Variants in IL1RAPL2 observed in about 807,000 individuals in gnomAD.
The protein encoded by IL1RAPL2 is interleukin 1 receptor accessory protein like 2.
A neutral mutation model predicts 44.1 loss-of-function variants in IL1RAPL2; 3 were observed. The observed-to-expected ratio is 0.07, with a 90% CI of 0.03 to 0.18. The LOEUF (loss-of-function observed/expected upper bound fraction) is 0.18. Among genes scored for constraint, IL1RAPL2 ranks in the 10% least tolerant of loss-of-function variants. The pLI is 1.00. For synonymous variants in IL1RAPL2, 181 were observed against 178.8 expected (o/e 1.01, Z -0.10); for missense variants, 391 against 496.4 (o/e 0.79, Z 2.02).
chrX:105,709,173 G>T (rs2038188235), intron 6 of IL1RAPL2, among the ~76,000 whole-genome samples: 1 of 111,991 alleles, frequency 8.9e-6, no homozygotes, highest in African/African-American at 3.2e-5. Context: ...AAGATCAGCA[G>T]AGCCAACAGA....
At chrX:105,327,560 T>C (rs958534364) in intron 5 of IL1RAPL2, among the ~76,000 whole-genome samples, 10 of 111,950 alleles carry the variant, frequency 8.9e-5, no homozygotes, top group African/African-American at 2.9e-4. Context: ...TTATTTAAAT[T>C]CTAGCAGTAA....
At chrX:105,406,438 A>G in intron 5 of IL1RAPL2, 1 of 1,167,212 alleles carries the variant, frequency 8.6e-7, no homozygotes, top group East Asian at 3.0e-5. Context: ...TGGAAGTGGC[A>G]ATAAAGAATT....
At chrX:105,479,699 A>AT in intron 5 of IL1RAPL2, among the ~76,000 whole-genome samples, 1 of 109,977 alleles carries the variant, frequency 9.1e-6, no homozygotes, top group Non-Finnish European at 1.9e-5. Context: ...AGATTCTGCC[A>AT]TTGCACTCCA....
At chrX:105,640,791 TATAGATAGAG>T (rs1279830320) in intron 6 of IL1RAPL2, among the ~76,000 whole-genome samples, 2 of 79,074 alleles carry the variant, frequency 2.5e-5, no homozygotes, top group Admixed American at 1.4e-4. Context: ...TAGATATAGA[TATAGATAGAG>T]AGAGAGACCG....
At chrX:104,938,378 A>C (rs911288401) in intron 2 of IL1RAPL2, among the ~76,000 whole-genome samples, 1 of 111,816 alleles carries the variant, frequency 8.9e-6, no homozygotes, top group African/African-American at 3.2e-5. Flanking sequence ...AATCAGGACA[A>C]AATATTGAAA....
At chrX:105,399,950 G>A (rs1010890335) in intron 5 of IL1RAPL2, among the ~76,000 whole-genome samples, 2 of 110,760 alleles carry the variant, frequency 1.8e-5, no homozygotes, top group Admixed American at 1.9e-4. Context: ...CTTAATCTGG[G>A]ATCTGAAAGA....
At chrX:105,553,794 C>A (rs888408638) in intron 6 of IL1RAPL2, among the ~76,000 whole-genome samples, 13 of 112,164 alleles carry the variant, frequency 1.2e-4, no homozygotes, top group African/African-American at 3.6e-4. Flanking sequence ...TATTCCATAA[C>A]CCAAGGTACC....
At chrX:104,891,350 T>A (rs1016569565) in intron 2 of IL1RAPL2, among the ~76,000 whole-genome samples, 1 of 112,057 alleles carries the variant, frequency 8.9e-6, no homozygotes, top group Admixed American at 9.5e-5. Context: ...TCATTGGTAG[T>A]TTGATGGGGA....
rs186006053 is a variant in IL1RAPL2 at position 105,407,507 on chromosome X, A to G, written c.698-76806A>G. On this transcript the variant is annotated intron_variant, in intron 5 of 10. Coordinates refer to ENST00000372582, the MANE Select transcript of IL1RAPL2 (RefSeq NM_017416.2). ...TTGTTAAAACTTTATGAAAACTTGG[A>G]AAAGGTTGTTCAGGTTTATAAATAG... 4.9e-3 allele frequency among the ~76,000 whole-genome samples: 548 copies of G among 111,788 alleles called. 5 individuals carry two copies. Among genetic ancestry groups the G allele is most frequent in the African/African-American group, 0.017 (519 of 30,751 alleles).
intron 5 of IL1RAPL2, among the ~76,000 whole-genome samples, chrX:105,355,830 T>C (rs1165860845): frequency 9.0e-6 from 1 of 111,601 alleles, no homozygotes; most frequent in African/African-American, 3.3e-5. Context: ...ATTTGATAAA[T>C]AGATGAATAA....
chrX:105,647,327 T>C (rs1393138245), intron 6 of IL1RAPL2, among the ~76,000 whole-genome samples: 1 of 111,633 alleles, frequency 9.0e-6, no homozygotes, highest in African/African-American at 3.3e-5. Context: ...CAAGATTTAA[T>C]AGAGTGGAAA....
At chrX:104,864,688 G>A (rs746066739) in intron 2 of IL1RAPL2, among the ~76,000 whole-genome samples, 7 of 111,826 alleles carry the variant, frequency 6.3e-5, no homozygotes, top group African/African-American at 1.3e-4. Context: ...AGTTGCCAGC[G>A]TGGCTAGAAT....
Position 105,157,594 on chromosome X carries a change from A to G in IL1RAPL2, c.83-37881A>G, listed in dbSNP as rs2033280304. ...CACAATGGTCCAATTAGTTGTGGCC[A>G]GTGGAGGTGGGAGGTTGATTCATTT... On this transcript the variant is annotated intron_variant, in intron 2 of 10. Transcript: ENST00000372582. 2.7e-5 allele frequency among the ~76,000 whole-genome samples: 3 copies of G among 112,263 alleles called. No homozygotes were observed. The Admixed American group carries it at 2.8e-4, about 11-fold the overall frequency.
At chrX:105,749,252 C>T in intron 9 of IL1RAPL2, 149 bp downstream of exon 9, 1 of 437,331 alleles carries the variant, frequency 2.3e-6, no homozygotes, top group South Asian at 8.5e-5. Context: ...GTTTAGAAGA[C>T]TTACCAAGAA....
At chrX:104,810,623 C>T (rs370928310) in intron 2 of IL1RAPL2, among the ~76,000 whole-genome samples, 9 of 110,792 alleles carry the variant, frequency 8.1e-5, no homozygotes, top group African/African-American at 2.6e-4. Context: ...AGATGATATG[C>T]GTAACAAAAA....
intron 5 of IL1RAPL2, among the ~76,000 whole-genome samples, chrX:105,380,351 G>A (rs1267890358): frequency 9.0e-6 from 1 of 111,525 alleles, no homozygotes; most frequent in Non-Finnish European, 1.9e-5. Flanking sequence ...AGGGAAAAGG[G>A]GGTTTAAGGG....
chrX:105,593,882 G>A (rs2147819544), intron 6 of IL1RAPL2, among the ~76,000 whole-genome samples: 1 of 111,836 alleles, frequency 8.9e-6, no homozygotes, highest in South Asian at 3.8e-4. Flanking sequence ...GGCTGTGCTT[G>A]TGTGCACATA....
At chrX:104,797,196 C>CG (rs1351346695) in intron 2 of IL1RAPL2, among the ~76,000 whole-genome samples, 2 of 39,309 alleles carry the variant, frequency 5.1e-5, no homozygotes, top group Non-Finnish European at 9.9e-5. Context: ...CCCCCCCCCC[C>CG]CCCCCGCAAA....
At chrX:105,631,678 G>GT (rs998250230) in intron 6 of IL1RAPL2, among the ~76,000 whole-genome samples, 21 of 112,104 alleles carry the variant, frequency 1.9e-4, no homozygotes, top group Non-Finnish European at 3.2e-4. Flanking sequence ...AAATGAGAAG[G>GT]TAAGATCCGG....
Sources: allele counts gnomAD v4.1 joint callset (sites outside exome capture counted in the v4.1 genomes callset), GRCh38; gene constraint gnomAD v4.1.1; transcripts MANE v1.5; gene names NCBI Gene and HGNC (gene_info 2026-07-23, HGNC 2026-07-21).